Variants in NCKAP5 observed in about 807,000 individuals in gnomAD.
The protein encoded by NCKAP5 is nck-associated protein 5.
A neutral mutation model predicts 167.0 loss-of-function variants in NCKAP5; 92 were observed. That is an observed-to-expected ratio of 0.55 (90% CI 0.47 to 0.66). The LOEUF is 0.66. Ranked by LOEUF, NCKAP5 falls within the 30% of genes least tolerant of loss-of-function variation. The probability of loss-of-function intolerance (pLI) is 0.00; values close to 1 mark genes in which losing one functional copy is unlikely to be tolerated. For synonymous variants in NCKAP5, 891 were observed against 877.4 expected (o/e 1.02, Z -0.27); for missense variants, 2,378 against 2,315.0 (o/e 1.03, Z -0.56).
intron 11 of NCKAP5, among the ~76,000 whole-genome samples, chr2:132,843,603 T>C (rs953841683): frequency 6.6e-6 from 1 of 151,786 alleles, no homozygotes; most frequent in Non-Finnish European, 1.5e-5. Context: ...TTTTTTTTAA[T>C]AAAAAAACTC....
intron 5 of NCKAP5, among the ~76,000 whole-genome samples, chr2:133,137,158 T>C (rs1231649691): frequency 6.6e-6 from 1 of 152,196 alleles, no homozygotes; most frequent in Admixed American, 6.5e-5. Context: ...AGTTTCACCA[T>C]AAAGCTCTCT....
chr2:133,515,846 G>A (rs946630730), intron 3 of NCKAP5, among the ~76,000 whole-genome samples: 2 of 152,178 alleles, frequency 1.3e-5, no homozygotes, highest in East Asian at 3.8e-4. Flanking sequence ...AGCTATCTGG[G>A]CTCTGCCTTC....
At chr2:133,590,019 C>T in the NCKAP5 span, among the ~76,000 whole-genome samples, 5 of 152,158 alleles carry the variant, frequency 3.3e-5, no homozygotes, top group Non-Finnish European at 5.9e-5. Flanking sequence ...AGGAGACACA[C>T]TCTAGAATCC....
At chr2:132,763,529 C>CT (rs1459976791) in intron 16 of NCKAP5, among the ~76,000 whole-genome samples, 1 of 152,194 alleles carries the variant, frequency 6.6e-6, no homozygotes, top group Non-Finnish European at 1.5e-5. Context: ...TCCCCAGACA[C>CT]TGTCATTTAA....
chr2:133,033,196 A>G (rs922921855), intron 6 of NCKAP5, among the ~76,000 whole-genome samples: 2 of 152,212 alleles, frequency 1.3e-5, no homozygotes, highest in South Asian at 2.1e-4. Context: ...AAAGTAAGGG[A>G]AGAGAACAAG....
At chr2:133,118,687 T>A (rs1041011635) in intron 6 of NCKAP5, 1 of 152,114 alleles carries the variant, frequency 6.6e-6, no homozygotes, top group Non-Finnish European at 1.5e-5. Context: ...ATAAAAGGCA[T>A]CAGGGAGATG....
intron 6 of NCKAP5, among the ~76,000 whole-genome samples, chr2:133,080,662 C>T (rs6751286): frequency 0.038 from 5,733 of 152,168 alleles, 202 homozygotes; most frequent in African/African-American, 0.094. Flanking sequence ...ATGAAACTAA[C>T]ACTACACCAT....
intron 6 of NCKAP5, among the ~76,000 whole-genome samples, chr2:133,031,955 A>G (rs936253748): frequency 6.6e-6 from 1 of 152,068 alleles, no homozygotes; most frequent in Admixed American, 6.5e-5. Context: ...CTGAATAACC[A>G]GCAGTGATGC....
Position 133,062,359 on chromosome 2 carries a change from C to T in NCKAP5, c.341+67619G>A, listed in dbSNP as rs755728884. On this transcript the variant is annotated intron_variant, in intron 6 of 19. Coordinates refer to ENST00000409261, the MANE Select transcript of NCKAP5 (RefSeq NM_207363.3). ...TAAGAGATGAAGCAACACTCTTTGG[C>T]GACATATGGTGAGTCATTTAAGTGT... Among the ~76,000 whole-genome samples the T allele has an allele frequency of 1.1e-4, 17 of 152,060 alleles. 1 individual carries two copies. The highest frequency in any genetic ancestry group is 6.2e-4 in the South Asian group (3 of 4,830).
intron 11 of NCKAP5, among the ~76,000 whole-genome samples, chr2:132,827,306 T>A (rs1405433697): frequency 6.6e-6 from 1 of 152,180 alleles, no homozygotes; most frequent in Non-Finnish European, 1.5e-5. Context: ...AAATGGATAA[T>A]CCAGTGGCAT....
intron 19 of NCKAP5, among the ~76,000 whole-genome samples, chr2:132,712,230 T>C (rs1437510963): frequency 6.6e-6 from 1 of 152,158 alleles, no homozygotes; most frequent in African/African-American, 2.4e-5. Flanking sequence ...CATTCCCTGA[T>C]TTGCTCACTT....
intron 3 of NCKAP5, among the ~76,000 whole-genome samples, chr2:133,320,343 A>T (rs982671116): frequency 1.1e-4 from 17 of 151,938 alleles, no homozygotes; most frequent in African/African-American, 3.6e-4. Context: ...TTCCTGCCTC[A>T]CTCTGTAAAT....
At chr2:133,206,448 A>G (rs2085956635) in intron 5 of NCKAP5, among the ~76,000 whole-genome samples, 2 of 152,118 alleles carry the variant, frequency 1.3e-5, no homozygotes, top group Admixed American at 6.5e-5. Context: ...TTTCATGGAC[A>G]TTTATCACTT....
intron 3 of NCKAP5, among the ~76,000 whole-genome samples, chr2:133,393,068 G>A (rs151241255): frequency 9.8e-5 from 15 of 152,296 alleles, no homozygotes; most frequent in Middle Eastern, 3.4e-3. Flanking sequence ...GCCACTGACC[G>A]ATTTGACAGC....
chr2:133,427,429 C>A (rs780859258), intron 3 of NCKAP5, among the ~76,000 whole-genome samples: 2 of 152,066 alleles, frequency 1.3e-5, no homozygotes, highest in Non-Finnish European at 2.9e-5. Flanking sequence ...GCAAATATAG[C>A]ATGACAGTCT....
the NCKAP5 span, among the ~76,000 whole-genome samples, chr2:133,643,553 C>G: frequency 0.029 from 4,486 of 152,148 alleles, 238 homozygotes; most frequent in African/African-American, 0.1. Context: ...TCAAATATAC[C>G]CCCATTGCCA....
At chr2:133,518,644 G>A (rs374262424) in intron 2 of NCKAP5, among the ~76,000 whole-genome samples, 4 of 152,064 alleles carry the variant, frequency 2.6e-5, no homozygotes, top group Middle Eastern at 3.4e-3. Flanking sequence ...ATGAGCCACC[G>A]CGCCTGGCCC....
intron 8 of NCKAP5, among the ~76,000 whole-genome samples, chr2:132,886,076 T>C (rs942713756): frequency 6.6e-6 from 1 of 152,184 alleles, no homozygotes; most frequent in African/African-American, 2.4e-5. Context: ...GGAACAAGCT[T>C]TACTCTCCCA....
intron 3 of NCKAP5, among the ~76,000 whole-genome samples, chr2:133,461,859 C>T (rs547748637): frequency 1.3e-4 from 20 of 152,274 alleles, no homozygotes; most frequent in Admixed American, 3.9e-4. Context: ...GTGAAGATTT[C>T]ATAGGATATG....
Sources: gnomAD v4.1 joint callset for allele counts (sites outside exome capture counted in the v4.1 genomes callset) on GRCh38, gnomAD v4.1.1 for gene constraint, MANE v1.5 for transcripts, NCBI Gene and HGNC (gene_info 2026-07-23, HGNC 2026-07-21) for gene names.